The following DST variants were observed in gnomAD, a reference collection of about 807,000 sequenced individuals.
DST encodes the protein dystonin.
DST carries 253 observed loss-of-function variants against 875.2 expected under a neutral mutation model. The ratio of observed to expected loss-of-function variants is 0.29; its 90% CI spans 0.26 to 0.32. The LOEUF is 0.32. DST is among the 10% of genes least tolerant of loss of function. The pLI is 1.00. For synonymous variants in DST, 3,124 were observed against 3,197.1 expected (o/e 0.98, Z 0.77); for missense variants, 8,287 against 9,111.6 (o/e 0.91, Z 3.68).
chr6:56,747,543 T>G, intron 4 of DST, among the ~76,000 whole-genome samples: 1 of 152,362 alleles, frequency 6.6e-6, no homozygotes, highest in Middle Eastern at 3.4e-3. Flanking sequence ...ATAGTTATAC[T>G]GCTATAACAT....
chr6:56,699,605 C>T, intron 9 of DST, 48 bp downstream of exon 9: 2 of 892,562 alleles, frequency 2.2e-6, no homozygotes, highest in Non-Finnish European at 3.5e-6. Context: ...ATAGGAACCA[C>T]CTGAAAACTA....
At chr6:56,466,423 A>C in intron 98 of DST, 1 of 356,302 alleles carries the variant, frequency 2.8e-6, no homozygotes, top group South Asian at 1.2e-4. Context: ...AAAGGTTATC[A>C]AGTATACTAC....
chr6:56,835,412 C>G (rs960477678), intron 4 of DST, among the ~76,000 whole-genome samples: 2 of 152,120 alleles, frequency 1.3e-5, no homozygotes, highest in Admixed American at 1.3e-4. Flanking sequence ...ATGTACCACA[C>G]CAGTACCGAT....
rs1444942164 is a variant in DST at position 56,526,443 on chromosome 6, T to C, written c.18047A>G (p.Asp6016Gly). 1.3e-5 allele frequency: 21 copies of C among 1,613,906 alleles called. No homozygotes were observed. Among genetic ancestry groups the C allele is most frequent in the Non-Finnish European group, 1.8e-5 (21 of 1,179,826 alleles). ...GCTCACTAATCGGTAGCGCTCATTG[T>C]CCTCAGCTACCATTTTCTCAAGTCC... ...REGLEKMVAE[D>G]NERYRLVSDT... The change falls in exon 69 of 104, where the codon GAC (aspartate) becomes GGC (glycine). Residue 6016 changes from aspartate to glycine, a missense_variant. Asp to Gly is a moderately conservative substitution (Grantham distance 94). This residue lies in a region of DST where 777 missense variants were observed against 764.8 expected (regional missense o/e 1.02). Coordinates refer to ENST00000680361, the MANE Select transcript of DST (RefSeq NM_001374736.1).
chr6:56,475,177 A>C (rs1171961131), intron 92 of DST, among the ~76,000 whole-genome samples: 2 of 152,042 alleles, frequency 1.3e-5, no homozygotes, highest in Non-Finnish European at 2.9e-5. Flanking sequence ...ATTATTTACT[A>C]GGTATCCCTC....
chr6:56,906,907 T>C (rs207467000), intron 2 of DST, among the ~76,000 whole-genome samples: 1 of 152,200 alleles, frequency 6.6e-6, no homozygotes, highest in African/African-American at 2.4e-5. Flanking sequence ...TCCTAACAGA[T>C]GTGAGGTGAT....
At chr6:56,642,755 C>T (rs1485511700) in intron 15 of DST, 3 of 1,613,984 alleles carry the variant, frequency 1.9e-6, no homozygotes, top group African/African-American at 1.3e-5. Context: ...AACACAGAAT[C>T]ACTGCTACGG....
intron 2 of DST, among the ~76,000 whole-genome samples, chr6:56,942,617 A>G (rs1034841765): frequency 1.3e-5 from 2 of 151,922 alleles, no homozygotes; most frequent in African/African-American, 4.8e-5. Flanking sequence ...TCTTTACACT[A>G]AAGGTGTCAA....
intron 20 of DST, 35 bp downstream of exon 20, chr6:56,639,661 T>C: frequency 3.1e-6 from 5 of 1,612,416 alleles, no homozygotes; most frequent in Non-Finnish European, 4.2e-6. Context: ...CAAATATAGA[T>C]AAGGGAAACA....
At chr6:56,515,760 A>G (rs2096574336) in intron 71 of DST, 92 bp from the exon 72 acceptor site, 1 of 941,670 alleles carries the variant, frequency 1.1e-6, no homozygotes, top group Non-Finnish European at 1.6e-6. Context: ...ACCTGGACAG[A>G]GTGGGCGTTT....
chr6:56,740,465 G>A (rs1418451309), intron 4 of DST, among the ~76,000 whole-genome samples: 1 of 152,184 alleles, frequency 6.6e-6, no homozygotes, highest in Non-Finnish European at 1.5e-5. Flanking sequence ...GTCAGGTGGG[G>A]CTTAAAGGAC....
chr6:56,634,137 C>G lies in DST; in HGVS notation c.3616G>C (p.Ala1206Pro). ...EIDRIRASNV[A>P]SIKTMLPGEH... ...ACATACAGATTCATACTTACTGAAGCCACATTGCTAGCTCGAATTCTATCA... is the reference window on the plus strand; with the variant it reads ...ACATACAGATTCATACTTACTGAAGGCACATTGCTAGCTCGAATTCTATCA... Residue 1206 changes from alanine (A) to proline (P), a missense_variant, in exon 27 of 104, where the codon GCT becomes CCT. Physicochemically the swap from Ala to Pro is conservative, Grantham distance 27. Transcript: ENST00000680361. 6.2e-7 allele frequency: 1 copy of G among 1,613,008 alleles called. No individual in the cohort carries two copies. Among genetic ancestry groups the G allele is most frequent in the Non-Finnish European group, 8.5e-7 (1 of 1,180,004 alleles).
At chr6:56,872,579 C>G (rs1048101694) in intron 3 of DST, among the ~76,000 whole-genome samples, 5 of 151,872 alleles carry the variant, frequency 3.3e-5, no homozygotes, top group African/African-American at 1.2e-4. Context: ...AATAGACTAG[C>G]AATAAAACTC....
intron 2 of DST, among the ~76,000 whole-genome samples, chr6:56,910,849 T>C (rs904141558): frequency 1.3e-5 from 2 of 152,242 alleles, no homozygotes; most frequent in Non-Finnish European, 2.9e-5. Flanking sequence ...TATTGACTGA[T>C]ATTATATCAA....
intron 2 of DST, among the ~76,000 whole-genome samples, chr6:56,953,021 T>G (rs1206046473): frequency 6.6e-6 from 1 of 152,194 alleles, no homozygotes; most frequent in Admixed American, 6.5e-5. Context: ...TGGAGGGCGT[T>G]TAACTATGAA....
In DST at chr6:56,627,229, G is replaced by C. The variant is rs779663563; in HGVS notation, c.4697C>G (p.Ala1566Gly). 4.3e-6 allele frequency: 7 copies of C among 1,612,094 alleles called. No individual in the cohort carries two copies. The highest frequency in any genetic ancestry group is 5.9e-6 in the Non-Finnish European group (7 of 1,178,840). Residue 1566 changes from alanine (A) to glycine (G), a missense_variant, in exon 34 of 104, where the codon GCA (alanine) becomes GGA (glycine). Physicochemically the swap from Ala to Gly is moderately conservative, Grantham distance 60. Around this residue, in one of 10 missense-constraint regions of DST, gnomAD observed 3,138 missense variants for 3,116.6 expected, o/e 1.01. Transcript: ENST00000680361. ...QSKMDECQKYAEQYSATVKDY... is the reference protein window; with the variant it reads ...QSKMDECQKYGEQYSATVKDY... ...CTTCACTGTAGCTGAGTACTGTTCT[G>C]CATATTTTTGACACTCGTCCATTTT...
At chr6:56,594,588 T>C (rs2098339189) in intron 47 of DST, among the ~76,000 whole-genome samples, 1 of 152,212 alleles carries the variant, frequency 6.6e-6, no homozygotes, top group African/African-American at 2.4e-5. Context: ...CAAACAAGTA[T>C]AATATTTTTT....
intron 4 of DST, among the ~76,000 whole-genome samples, chr6:56,798,696 A>C (rs1395779762): frequency 6.6e-6 from 1 of 152,194 alleles, no homozygotes; most frequent in Non-Finnish European, 1.5e-5. Flanking sequence ...AGCTACCATC[A>C]ATAGTGATTC....
chr6:56,765,185 C>T (rs1231173872), intron 4 of DST, among the ~76,000 whole-genome samples: 1 of 152,136 alleles, frequency 6.6e-6, no homozygotes, highest in Non-Finnish European at 1.5e-5. Flanking sequence ...TTCTAACATC[C>T]TATTGTTTTA....
Sources: gnomAD v4.1 joint callset for allele counts (sites outside exome capture counted in the v4.1 genomes callset) on GRCh38, gnomAD v4.1.1 for gene constraint, gnomAD v4.1.1 regional missense constraint, MANE v1.5 for transcripts, NCBI Gene and HGNC (gene_info 2026-07-23, HGNC 2026-07-21) for gene names.